TRAK2: variants seen among roughly 807,000 people sequenced by gnomAD.
The protein encoded by TRAK2 is trafficking kinesin protein 2, also known as trafficking kinesin-binding protein 2.
In TRAK2, 81 loss-of-function variants were observed where a neutral mutation model predicts 104.6. The ratio of observed to expected loss-of-function variants is 0.77; its 90% CI spans 0.65 to 0.93. TRAK2 has a LOEUF of 0.93. Ranked by LOEUF, TRAK2 falls within the 40% of genes least tolerant of loss-of-function variation. The probability of loss-of-function intolerance (pLI) is 0.00; values close to 1 mark genes in which losing one functional copy is unlikely to be tolerated. For synonymous variants in TRAK2, 406 were observed against 394.4 expected, an observed-to-expected ratio of 1.03 and a Z score of -0.35; for missense variants, 1,002 against 1,089.0, an observed-to-expected ratio of 0.92 and a Z score of 1.12.
intron 1 of TRAK2, among the ~76,000 whole-genome samples, chr2:201,438,971 G>T (rs1429573981): frequency 2.6e-5 from 4 of 152,188 alleles, no homozygotes; most frequent in African/African-American, 4.8e-5. Flanking sequence ...CATAAATTGG[G>T]AAGCATTCTG....
chr2:201,435,904 C>G (rs1018617574), intron 1 of TRAK2, among the ~76,000 whole-genome samples: 3 of 152,030 alleles, frequency 2.0e-5, no homozygotes, highest in African/African-American at 7.2e-5. Flanking sequence ...CTGCAAAAAT[C>G]ATAAGGAGGG....
chr2:201,377,995 A>C lies in TRAK2; in HGVS notation c.*2548T>G, dbSNP rs938415635. 1 of 152,438 alleles carries C rather than the reference A, an allele frequency of 6.6e-6. No individual in the cohort carries two copies. Among genetic ancestry groups the C allele is most frequent in the Admixed American group, 6.5e-5 (1 of 15,276 alleles). The allele number at this position is 152,438 out of a possible 1,614,324, so 9.4% of individuals were successfully genotyped here. A position where few individuals can be genotyped will look rare whatever the true frequency, so the allele number is the denominator to read the frequency against. Reference sequence around the variant, plus strand: ...AAAACATAACAGATAAATTGGGAGGAATCAGCTATTAGGCTCCAATTCTTC... The same window carrying C: ...AAAACATAACAGATAAATTGGGAGGCATCAGCTATTAGGCTCCAATTCTTC... On this transcript the variant is annotated 3_prime_UTR_variant, in exon 16 of 16. Transcript: ENST00000332624.
chr2:201,444,273 C>T (rs79111091), intron 1 of TRAK2, among the ~76,000 whole-genome samples: 8,738 of 151,970 alleles, frequency 0.057, 569 homozygotes, highest in East Asian at 0.26. Flanking sequence ...CTCATAGTAA[C>T]GACAATAAAA....
intron 13 of TRAK2, among the ~76,000 whole-genome samples, chr2:201,387,218 T>A (rs970869799): frequency 6.6e-6 from 1 of 152,220 alleles, no homozygotes; most frequent in Non-Finnish European, 1.5e-5. Context: ...GGAATTTATT[T>A]TGAATTCAAG....
At chr2:201,402,137 C>A (rs927017218) in intron 3 of TRAK2, among the ~76,000 whole-genome samples, 1 of 151,940 alleles carries the variant, frequency 6.6e-6, no homozygotes, top group African/African-American at 2.4e-5. Flanking sequence ...ATAAAGTATT[C>A]GTTAACTGCT....
intron 14 of TRAK2, 142 bp downstream of exon 14, chr2:201,386,076 A>T: frequency 1.1e-6 from 1 of 870,570 alleles, no homozygotes; most frequent in Non-Finnish European, 1.8e-6. Context: ...TAGGAATGCC[A>T]CTAATGCTAT....
At chr2:201,432,689 C>T (rs1257087093) in intron 1 of TRAK2, among the ~76,000 whole-genome samples, 1 of 152,044 alleles carries the variant, frequency 6.6e-6, no homozygotes, top group African/African-American at 2.4e-5. Context: ...GGCCCTGTGC[C>T]TAAAAAATAT....
Position 201,377,896 on chromosome 2 carries a change from T to G in TRAK2, c.*2647A>C, listed in dbSNP as rs1455947808. The G allele has an allele frequency of 6.6e-6, 1 of 151,544 alleles. No individual in the cohort carries two copies. The highest frequency in any genetic ancestry group is 2.4e-5 in the African/African-American group (1 of 41,186). The allele number at this position is 151,544 out of a possible 1,614,324, so 9.4% of individuals were successfully genotyped here. A position where few individuals can be genotyped will look rare whatever the true frequency, so the allele number is the denominator to read the frequency against. On this transcript the variant is annotated 3_prime_UTR_variant, in exon 16 of 16. Coordinates refer to ENST00000332624, the MANE Select transcript of TRAK2 (RefSeq NM_015049.3). ...CTTAAAGGCGAAAAAAAAAAAAGAT[T>G]GAGGTTTCCTATACTGGCATGAAAG...
intron 3 of TRAK2, 90 bp from the exon 4 acceptor site, chr2:201,401,184 A>T: frequency 1.3e-6 from 1 of 783,306 alleles, no homozygotes; most frequent in Non-Finnish European, 2.0e-6. Flanking sequence ...CAACAACAAA[A>T]ACCCCAGCCT....
chr2:201,429,332 T>C (rs1951820654), intron 1 of TRAK2, among the ~76,000 whole-genome samples: 1 of 152,222 alleles, frequency 6.6e-6, no homozygotes, highest in South Asian at 2.1e-4. Context: ...ATCAGACAAT[T>C]ATGTGTCTTG....
At chr2:201,415,440 A>ACTC in intron 2 of TRAK2, among the ~76,000 whole-genome samples, 1 of 152,170 alleles carries the variant, frequency 6.6e-6, no homozygotes, top group African/African-American at 2.4e-5. Flanking sequence ...GAAATAACAG[A>ACTC]ATTAATAAGC....
chr2:201,412,494 G>A lies in TRAK2; in HGVS notation c.92-4897C>T, dbSNP rs538449061. On this transcript the variant is annotated intron_variant, in intron 2 of 15. Transcript: ENST00000332624. ...ACTGCCTACTGAAACTCTTATAAATGTCTTGCTTATTGCCTTCAAATATAT... is the reference window on the plus strand; with the variant it reads ...ACTGCCTACTGAAACTCTTATAAATATCTTGCTTATTGCCTTCAAATATAT... The A allele has an allele frequency of 6.1e-6, 7 of 1,154,876 alleles. No homozygotes were observed. The African/African-American group carries it at 7.6e-5, about 13-fold the overall frequency. 71.5% of individuals were successfully genotyped at this position (1,154,876 alleles called of 1,614,324 possible).
At chr2:201,397,988 A>C (rs572107548) in intron 6 of TRAK2, 157 bp downstream of exon 6, 1 of 668,516 alleles carries the variant, frequency 1.5e-6, no homozygotes, top group African/African-American at 1.8e-5. Context: ...ATCTAAGAAC[A>C]GTGGAAGGCA....
chr2:201,395,468 T>C (rs769310825), intron 7 of TRAK2, 24 bp from the exon 8 acceptor site: 14 of 1,497,164 alleles, frequency 9.4e-6, no homozygotes, highest in Non-Finnish European at 1.3e-5. Flanking sequence ...AAAATTTTTT[T>C]AAATTAATAC....
chr2:201,393,686 T>C lies in TRAK2; in HGVS notation c.976-640A>G, dbSNP rs13411838. 8.6e-3 allele frequency among the ~76,000 whole-genome samples: 1,308 copies of C among 152,294 alleles called. 27 individuals are homozygous for C. The highest frequency in any genetic ancestry group is 0.03 in the African/African-American group (1,256 of 41,558). On this transcript the variant is annotated intron_variant, in intron 9 of 15. Coordinates refer to ENST00000332624, the MANE Select transcript of TRAK2 (RefSeq NM_015049.3). ...ATTCTAGGCTCTCACTCCAGACCAC[T>C]TGAAGTAGAAGCTCTTGGGATGGTG...
chr2:201,445,226 C>T (rs1291320580), intron 1 of TRAK2, among the ~76,000 whole-genome samples: 1 of 152,126 alleles, frequency 6.6e-6, no homozygotes. Flanking sequence ...AAAGCTAGAA[C>T]ATCACTTATA....
chr2:201,386,399 T>G lies in TRAK2; in HGVS notation c.1782A>C (p.Lys594Asn), dbSNP rs768559103. 4 of 1,614,054 alleles carry G rather than the reference T, an allele frequency of 2.5e-6. No individual in the cohort carries two copies. The African/African-American group carries it at 4.0e-5, about 16-fold the overall frequency. The change falls in exon 14 of 16, where the codon AAA (lysine) becomes AAC (asparagine). Residue 594 changes from lysine (K) to asparagine (N), a missense_variant. Coordinates refer to ENST00000332624, the MANE Select transcript of TRAK2 (RefSeq NM_015049.3). ...CATCCCCGGGCAACTGGGTAAAGCC[T>G]TTAGTAATGACACCTGGTCGTGGAT... The part of the protein sequence containing the change: ...ILDPRPGVIT[K>N]GFTQLPGDAI...
At chr2:201,412,747 CT>C (rs1951659274) in intron 2 of TRAK2, 5 of 1,355,654 alleles carry the variant, frequency 3.7e-6, no homozygotes, top group Non-Finnish European at 5.3e-6. Context: ...CCAGGCTCCA[CT>C]TTTATTCAAA....
chr2:201,428,023 T>G (rs758559924), intron 1 of TRAK2, among the ~76,000 whole-genome samples: 25 of 152,204 alleles, frequency 1.6e-4, no homozygotes, highest in Non-Finnish European at 3.2e-4. Flanking sequence ...TGTTTGATTT[T>G]TTTCTTGTAA....
Sources: gnomAD v4.1 joint callset for allele counts (sites outside exome capture counted in the v4.1 genomes callset) on GRCh38, gnomAD v4.1.1 for gene constraint, MANE v1.5 for transcripts, NCBI Gene and HGNC (gene_info 2026-07-23, HGNC 2026-07-21) for gene names.